The following ZDHHC5 variants were observed in gnomAD, a reference collection of about 807,000 sequenced individuals.
The protein encoded by ZDHHC5 is zDHHC palmitoyltransferase 5.
ZDHHC5 carries 22 observed loss-of-function variants against 70.0 expected under a neutral mutation model. That is an observed-to-expected ratio of 0.31 (90% confidence interval 0.22 to 0.45). The LOEUF (loss-of-function observed/expected upper bound fraction) is 0.45, where lower values mean the gene tolerates loss of function less well. Among genes scored for constraint, ZDHHC5 ranks in the 20% least tolerant of loss-of-function variants. ZDHHC5 has a pLI of 1.00. For synonymous variants in ZDHHC5, 313 were observed against 347.8 expected, an observed-to-expected ratio of 0.90 and a Z score of 1.11; for missense variants, 746 against 926.9, an observed-to-expected ratio of 0.80 and a Z score of 2.53.
chr11:57,680,149 C>T (rs1489582188), intron 2 of ZDHHC5, among the ~76,000 whole-genome samples: 1 of 152,160 alleles, frequency 6.6e-6, no homozygotes, highest in Non-Finnish European at 1.5e-5. Context: ...CTTTGGGAGG[C>T]TGAGGCGGGC....
intron 8 of ZDHHC5, among the ~76,000 whole-genome samples, chr11:57,694,959 A>C (rs1321643136): frequency 6.6e-6 from 1 of 152,150 alleles, no homozygotes; most frequent in Non-Finnish European, 1.5e-5. Flanking sequence ...ACAGACTAAA[A>C]TAAAAAATAG....
At chr11:57,696,687 G>C in intron 9 of ZDHHC5, 74 bp from the exon 10 acceptor site, 1 of 1,333,978 alleles carries the variant, frequency 7.5e-7, no homozygotes, top group Admixed American at 1.8e-5. Flanking sequence ...AGCTTGGACA[G>C]TAGAGTGAGA....
intron 1 of ZDHHC5, among the ~76,000 whole-genome samples, chr11:57,670,183 T>G (rs1445475144): frequency 6.6e-6 from 1 of 152,188 alleles, no homozygotes; most frequent in African/African-American, 2.4e-5. Context: ...TTTGCTTTAA[T>G]AGTACATATT....
At chr11:57,670,932 T>A (rs1296646351) in intron 1 of ZDHHC5, among the ~76,000 whole-genome samples, 1 of 151,474 alleles carries the variant, frequency 6.6e-6, no homozygotes. Context: ...TGCCTCAGCC[T>A]CCTGAGTAGC....
intron 8 of ZDHHC5, among the ~76,000 whole-genome samples, chr11:57,695,298 T>C (rs1216506736): frequency 6.6e-6 from 1 of 151,940 alleles, no homozygotes; most frequent in African/African-American, 2.4e-5. Flanking sequence ...CACATGCCTG[T>C]AATCCTAGCT....
At chr11:57,691,376 T>G (rs1946283287) in intron 6 of ZDHHC5, among the ~76,000 whole-genome samples, 1 of 152,172 alleles carries the variant, frequency 6.6e-6, no homozygotes, top group Non-Finnish European at 1.5e-5. Flanking sequence ...TTATTGTAAT[T>G]TTAGTAGACA....
At position 57,699,167 on chromosome 11, in the gene ZDHHC5, G is replaced by A. The variant is rs1013760724; in HGVS notation, c.1731G>A (p.Ser577=). ...CAGGCATTCAGTCAACACCAGGCTC[G>A]GGCCATGCCCCTCGTACTAGTTCCT... ...GDSGIQSTPG[S]GHAPRTSSSS... is the part of the protein sequence containing the mutation. The change falls in exon 11 of 12, where the codon TCG becomes TCA. Residue 577 remains serine (S), a synonymous_variant. Coordinates refer to ENST00000287169, the MANE Select transcript of ZDHHC5 (RefSeq NM_015457.3). 2.4e-5 allele frequency: 38 copies of A among 1,614,158 alleles called. No homozygotes were observed. Among genetic ancestry groups the A allele is most frequent in the Non-Finnish European group, 2.8e-5 (33 of 1,180,062 alleles).
chr11:57,677,157 G>A (rs546625333), intron 2 of ZDHHC5, among the ~76,000 whole-genome samples: 62 of 150,584 alleles, frequency 4.1e-4, no homozygotes, highest in African/African-American at 1.4e-3. Flanking sequence ...TCCTGGCCTC[G>A]TGATCTGCCC....
At chr11:57,675,154 C>G (rs1946055458) in intron 2 of ZDHHC5, among the ~76,000 whole-genome samples, 1 of 152,130 alleles carries the variant, frequency 6.6e-6, no homozygotes, top group Non-Finnish European at 1.5e-5. Context: ...GGTTCTGGGT[C>G]AAGAGGGGTA....
intron 3 of ZDHHC5, among the ~76,000 whole-genome samples, chr11:57,685,522 G>A: frequency 6.6e-6 from 1 of 152,116 alleles, no homozygotes; most frequent in African/African-American, 2.4e-5. Flanking sequence ...TAGTGCACGT[G>A]CCTGTAACCC....
intron 2 of ZDHHC5, among the ~76,000 whole-genome samples, chr11:57,681,289 A>G (rs1387158897): frequency 6.6e-6 from 1 of 152,142 alleles, no homozygotes; most frequent in East Asian, 1.9e-4. Context: ...CTCTGGAATC[A>G]TATGCTGTCT....
intron 6 of ZDHHC5, among the ~76,000 whole-genome samples, chr11:57,691,015 CAA>C (rs759580935): frequency 1.2e-4 from 18 of 152,088 alleles, no homozygotes; most frequent in Admixed American, 1.2e-3. Context: ...AAGATACTCT[CAA>C]AGAGATACTA....
At position 57,673,282 on chromosome 11, in the gene ZDHHC5, C is replaced by G. The variant is rs1008277184; in HGVS notation, c.104+88C>G. On this transcript the variant is annotated intron_variant, in intron 2 of 11. Coordinates refer to ENST00000287169, the MANE Select transcript of ZDHHC5 (RefSeq NM_015457.3). The stretch of plus-strand genomic sequence containing the variant: ...ACGCTTTCTCTTGAGTTTTGCAAAG[C>G]CAAGTGACTGAGAGGGCTCAGCGTC... 18 of 1,310,120 alleles carry G rather than the reference C, an allele frequency of 1.4e-5. No homozygotes were observed. In the African/African-American group the frequency reaches 2.3e-4, roughly 17 times the overall value. The allele number at this position is 1,310,120 out of a possible 1,614,324, so 81.2% of individuals were successfully genotyped here. A position where few individuals can be genotyped will look rare whatever the true frequency, so the allele number is the denominator to read the frequency against.
chr11:57,694,703 C>A (rs573825322), intron 8 of ZDHHC5, among the ~76,000 whole-genome samples: 1 of 152,176 alleles, frequency 6.6e-6, no homozygotes, highest in Non-Finnish European at 1.5e-5. Flanking sequence ...AAAATGAATT[C>A]ATTCATTTCC....
At chr11:57,675,376 C>G (rs1158225457) in intron 2 of ZDHHC5, among the ~76,000 whole-genome samples, 3 of 152,190 alleles carry the variant, frequency 2.0e-5, no homozygotes, top group Non-Finnish European at 4.4e-5. Flanking sequence ...ACCAGTTTGC[C>G]TACAAAGAGT....
At chr11:57,694,592 C>A (rs1467954795) in intron 8 of ZDHHC5, among the ~76,000 whole-genome samples, 1 of 152,104 alleles carries the variant, frequency 6.6e-6, no homozygotes, top group Non-Finnish European at 1.5e-5. Context: ...AAACTCCTGA[C>A]CTGAAGTGAT....
intron 2 of ZDHHC5, among the ~76,000 whole-genome samples, chr11:57,674,316 G>GTTTTTTT (rs34645509): frequency 1.4e-5 from 2 of 140,932 alleles, no homozygotes; most frequent in African/African-American, 2.6e-5. Context: ...TTTTTCCTCA[G>GTTTTTTT]TTTTTTTTTT....
Position 57,699,127 on chromosome 11 carries a change from C to T in ZDHHC5, c.1691C>T (p.Pro564Leu). The T allele has an allele frequency of 6.2e-7, 1 of 1,614,176 alleles. No individual in the cohort carries two copies. The highest frequency in any genetic ancestry group is 8.5e-7 in the Non-Finnish European group (1 of 1,180,018). The change falls in exon 11 of 12, where the codon CCA becomes CTA. Residue 564 changes from proline (P) to leucine (L), a missense_variant. Physicochemically the swap from Pro to Leu is moderately conservative, Grantham distance 98. This residue lies in a region of ZDHHC5 where 340 missense variants were observed against 350.1 expected (regional missense o/e 0.97). Coordinates refer to ENST00000287169, the MANE Select transcript of ZDHHC5 (RefSeq NM_015457.3). ...SPPLPGREEE[P>L]GLGDSGIQST... ...CCACTCCCGGGCCGTGAGGAAGAAC[C>T]AGGCTTGGGGGACTCAGGCATTCAG...
chr11:57,688,593 A>G lies in ZDHHC5; in HGVS notation c.312A>G (p.Lys104=), dbSNP rs763040057. ...TAAAGGGCATCCAGGTGCGCATGAAATGGTGTGCCACCTGCCGCTTTTACC... is the reference window on the plus strand; with the variant it reads ...TAAAGGGCATCCAGGTGCGCATGAAGTGGTGTGCCACCTGCCGCTTTTACC... ...VEIKGIQVRM[K]WCATCRFYRP... is the part of the protein sequence containing the mutation. Residue 104 remains lysine, a synonymous_variant, in exon 4 of 12, where the codon AAA becomes AAG. Transcript: ENST00000287169. The G allele has an allele frequency of 6.2e-7, 1 of 1,610,520 alleles. No individual in the cohort carries two copies. The highest frequency in any genetic ancestry group is 8.5e-7 in the Non-Finnish European group (1 of 1,178,556).
Sources: gnomAD v4.1 joint callset for allele counts (sites outside exome capture counted in the v4.1 genomes callset) on GRCh38, gnomAD v4.1.1 for gene constraint, gnomAD v4.1.1 regional missense constraint, MANE v1.5 for transcripts, NCBI Gene and HGNC (gene_info 2026-07-23, HGNC 2026-07-21) for gene names.